TMEM45B: variants seen among roughly 807,000 people sequenced by gnomAD.
TMEM45B encodes the protein transmembrane protein 45B.
Under a neutral mutation model 27.3 loss-of-function variants are expected in TMEM45B, and 29 were observed. That is an observed-to-expected ratio of 1.06 (90% CI 0.79 to 1.45). TMEM45B has a LOEUF of 1.45. Among genes scored for constraint, TMEM45B ranks in the 40% most tolerant of loss-of-function variants. The pLI is 0.00. For missense variants in TMEM45B, 348 were observed against 343.9 expected, an observed-to-expected ratio of 1.01 and a Z score of -0.09; for synonymous variants, 143 against 134.7, an observed-to-expected ratio of 1.06 and a Z score of -0.43.
At chr11:129,837,690 C>A (rs1263971385) in intron 1 of TMEM45B, among the ~76,000 whole-genome samples, 3 of 148,414 alleles carry the variant, frequency 2.0e-5, no homozygotes, top group Non-Finnish European at 4.5e-5. Context: ...GCTGGGACTA[C>A]AGGCACGCAC....
chr11:129,857,577 G>A, intron 5 of TMEM45B, 119 bp downstream of exon 5: 2 of 1,158,770 alleles, frequency 1.7e-6, no homozygotes, highest in Non-Finnish European at 2.5e-6. Flanking sequence ...GTACTCTCAT[G>A]CAGGGAAGGT....
At chr11:129,846,481 T>C (rs1229061484) in intron 1 of TMEM45B, among the ~76,000 whole-genome samples, 1 of 149,338 alleles carries the variant, frequency 6.7e-6, no homozygotes, top group Non-Finnish European at 1.5e-5. Context: ...AAAAAAAAAG[T>C]GTTAGAGAAA....
At chr11:129,825,979 G>T (rs1172248975) in intron 1 of TMEM45B, among the ~76,000 whole-genome samples, 2 of 148,946 alleles carry the variant, frequency 1.3e-5, no homozygotes, top group African/African-American at 2.5e-5. Context: ...TATATGTAAG[G>T]TTTTTTTTGG....
In TMEM45B at chr11:129,858,599, G is replaced by C; in HGVS notation, c.742G>C (p.Gly248Arg). 6.3e-7 allele frequency: 1 copy of C among 1,588,044 alleles called. No homozygotes were observed. The part of the protein sequence containing the change: ...YCLLTRMKRH[G>R]RGEIIGIQKL... ...CCTTTTGACTCGGATGAAGAGACAC[G>C]GAAGGGGAGAAATCATTGGAATTCA... Residue 248 changes from glycine (G) to arginine (R), a missense_variant, in exon 6 of 6, where the codon GGA becomes CGA. By Grantham distance (125) the Gly-to-Arg change is moderately radical (BLOSUM62 -2). Coordinates refer to ENST00000281441, the MANE Select transcript of TMEM45B (RefSeq NM_138788.5).
chr11:129,820,445 G>T (rs1947405521), intron 1 of TMEM45B, among the ~76,000 whole-genome samples: 1 of 152,170 alleles, frequency 6.6e-6, no homozygotes, highest in South Asian at 2.1e-4. Context: ...CTCTAAATAG[G>T]TTGTTATTTG....
intron 1 of TMEM45B, among the ~76,000 whole-genome samples, chr11:129,843,213 G>A (rs1947717393): frequency 6.6e-6 from 1 of 152,200 alleles, no homozygotes; most frequent in East Asian, 1.9e-4. Flanking sequence ...CCAAAGTGCT[G>A]GGATTACAGG....
chr11:129,816,004 C>T, intron 1 of TMEM45B, 106 bp downstream of exon 1: 1 of 1,234,242 alleles, frequency 8.1e-7, no homozygotes, highest in East Asian at 3.2e-5. Context: ...TTCCGACTCG[C>T]AGGGGACCTG....
At chr11:129,834,235 A>G (rs1281985080) in intron 1 of TMEM45B, among the ~76,000 whole-genome samples, 1 of 152,174 alleles carries the variant, frequency 6.6e-6, no homozygotes, top group Non-Finnish European at 1.5e-5. Context: ...GTTCGAGACC[A>G]GCCTGGCCAA....
At chr11:129,817,297 G>T (rs1057246776) in intron 1 of TMEM45B, among the ~76,000 whole-genome samples, 1 of 152,188 alleles carries the variant, frequency 6.6e-6, no homozygotes, top group Non-Finnish European at 1.5e-5. Flanking sequence ...GGAAGTTATG[G>T]AAAGAATCAG....
chr11:129,842,871 G>A (rs1947712368), intron 1 of TMEM45B, among the ~76,000 whole-genome samples: 1 of 152,162 alleles, frequency 6.6e-6, no homozygotes, highest in Admixed American at 6.5e-5. Context: ...CCCATAGAAT[G>A]GGAGAAAATA....
In TMEM45B at chr11:129,857,424, A is replaced by C; in HGVS notation, c.682A>C (p.Ser228Arg). 6.2e-7 allele frequency: 1 copy of C among 1,614,154 alleles called. No individual in the cohort carries two copies. Among genetic ancestry groups the C allele is most frequent in the East Asian group, 2.2e-5 (1 of 44,882 alleles). ...CTGCTGGCACTACCTGGCTGCCCTCAGCATTGTGGCCGTCAACTATTCTCT... is the reference window on the plus strand; with the variant it reads ...CTGCTGGCACTACCTGGCTGCCCTCCGCATTGTGGCCGTCAACTATTCTCT... ...CFCWHYLAAL[S>R]IVAVNYSLVY... Residue 228 changes from serine (S) to arginine (R), a missense_variant, in exon 5 of 6, where the codon AGC becomes CGC. By Grantham distance (110) the Ser-to-Arg change is moderately radical. Coordinates refer to ENST00000281441, the MANE Select transcript of TMEM45B (RefSeq NM_138788.5).
At chr11:129,836,021 G>A (rs1161000064) in intron 1 of TMEM45B, among the ~76,000 whole-genome samples, 2 of 152,186 alleles carry the variant, frequency 1.3e-5, no homozygotes, top group East Asian at 1.9e-4. Flanking sequence ...GGGAGACTGA[G>A]GCAGGAGAAT....
At chr11:129,822,176 A>C (rs1253433745) in intron 1 of TMEM45B, among the ~76,000 whole-genome samples, 2 of 152,066 alleles carry the variant, frequency 1.3e-5, no homozygotes, top group Admixed American at 6.6e-5. Context: ...TATTGGCGAG[A>C]GGTGTGGTCT....
In TMEM45B at chr11:129,855,740, C is replaced by A. The variant is rs567218321; in HGVS notation, c.418C>A (p.Pro140Thr). 8.1e-6 allele frequency: 13 copies of A among 1,614,078 alleles called. No homozygotes were observed. The highest frequency in any genetic ancestry group is 1.1e-5 in the Non-Finnish European group (13 of 1,180,058). ...FLFYYHVHNR[P>T]PLDQHIHSLL... ...CTTCTACTACCACGTCCACAACCGG[C>A]CTCCGCTGGACCAGCACATCCACTC... The change falls in exon 4 of 6, where the codon CCT becomes ACT. Residue 140 changes from proline (P) to threonine (T), a missense_variant. Coordinates refer to ENST00000281441, the MANE Select transcript of TMEM45B (RefSeq NM_138788.5).
intron 1 of TMEM45B, among the ~76,000 whole-genome samples, chr11:129,823,267 C>G (rs943522823): frequency 2.0e-5 from 3 of 152,176 alleles, no homozygotes; most frequent in African/African-American, 4.8e-5. Context: ...GGAGCAGATT[C>G]ATGTTTTTTA....
chr11:129,858,133 C>T (rs1387843046), intron 5 of TMEM45B, among the ~76,000 whole-genome samples: 1 of 152,204 alleles, frequency 6.6e-6, no homozygotes, highest in Admixed American at 6.5e-5. Context: ...TGAATTTTAG[C>T]AAATGGTATT....
chr11:129,817,382 G>C (rs1276284186), intron 1 of TMEM45B, among the ~76,000 whole-genome samples: 10 of 152,154 alleles, frequency 6.6e-5, no homozygotes, highest in Non-Finnish European at 1.5e-4. Flanking sequence ...GTTTAATAAG[G>C]ATATTGGCTC....
chr11:129,847,704 G>A (rs1476054595), intron 1 of TMEM45B, among the ~76,000 whole-genome samples: 1 of 152,006 alleles, frequency 6.6e-6, no homozygotes, highest in Non-Finnish European at 1.5e-5. Context: ...AGGGTTGGGG[G>A]TAAGGTCATA....
At chr11:129,829,214 A>G (rs567073509) in intron 1 of TMEM45B, among the ~76,000 whole-genome samples, 3 of 152,212 alleles carry the variant, frequency 2.0e-5, no homozygotes, top group African/African-American at 7.2e-5. Flanking sequence ...TTATGTGACT[A>G]TATTCCTCCT....
Sources: gnomAD v4.1 joint callset for allele counts (sites outside exome capture counted in the v4.1 genomes callset) on GRCh38, gnomAD v4.1.1 for gene constraint, MANE v1.5 for transcripts, NCBI Gene and HGNC (gene_info 2026-07-23, HGNC 2026-07-21) for gene names.